Variants in UNC79 observed in about 807,000 individuals in gnomAD.
UNC79 encodes unc-79 subunit of NALCN channel complex.
Under a neutral mutation model 283.1 loss-of-function variants are expected in UNC79, and 37 were observed. The ratio of observed to expected loss-of-function variants is 0.13; its 90% CI spans 0.10 to 0.17. The LOEUF (loss-of-function observed/expected upper bound fraction) is 0.17. UNC79 is among the 10% of genes least tolerant of loss of function. The pLI is 1.00. For synonymous variants in UNC79, 1,107 were observed against 1,200.2 expected (o/e 0.92, Z 1.61); for missense variants, 2,272 against 3,211.1 (o/e 0.71, Z 7.07).
chr14:93,698,105 T>C (rs1323515681), intron 47 of UNC79, among the ~76,000 whole-genome samples: 2 of 152,258 alleles, frequency 1.3e-5, no homozygotes, highest in Non-Finnish European at 2.9e-5. Context: ...TTATATAATT[T>C]GATTCATTTT....
intron 26 of UNC79, among the ~76,000 whole-genome samples, chr14:93,609,296 C>T (rs2066122934): frequency 6.6e-6 from 1 of 152,184 alleles, no homozygotes; most frequent in South Asian, 2.1e-4. Context: ...ATTCTGAGAT[C>T]CACGAGTAGC....
chr14:93,704,552 C>T, intron 47 of UNC79, 73 bp from the exon 51 acceptor site: 1 of 1,544,274 alleles, frequency 6.5e-7, no homozygotes, highest in Non-Finnish European at 9.0e-7. Flanking sequence ...GGCCTGTTTT[C>T]CCTTGCAATG....
intron 40 of UNC79, among the ~76,000 whole-genome samples, chr14:93,666,443 C>T (rs954553591): frequency 6.6e-6 from 1 of 151,942 alleles, no homozygotes; most frequent in Non-Finnish European, 1.5e-5. Context: ...AAAAGATATA[C>T]CAGACTAATA....
rs752678429 is a variant in UNC79 at position 93,477,778 on chromosome 14, T to C, written c.619+50T>C. On this transcript the variant is annotated intron_variant, in intron 4 of 48. Transcript: ENST00000555664. The stretch of plus-strand genomic sequence containing the variant: ...AGATTATTTTTATGTATGATATGAA[T>C]GGAAATTGCTTTTGCTGTTATAGGC... 12 of 1,555,936 alleles carry C rather than the reference T, an allele frequency of 7.7e-6. No homozygotes were observed. In the East Asian group the frequency reaches 2.0e-4, roughly 27 times the overall value.
intron 25 of UNC79, among the ~76,000 whole-genome samples, 183 bp from the exon 26 acceptor site, chr14:93,603,056 G>GA (rs1382869103): frequency 4.0e-5 from 6 of 151,822 alleles, no homozygotes; most frequent in Non-Finnish European, 5.9e-5. Flanking sequence ...GGTCTAAGCA[G>GA]AAAAAAAATC....
intron 30 of UNC79, among the ~76,000 whole-genome samples, chr14:93,623,664 G>A (rs959845487): frequency 1.3e-5 from 2 of 152,248 alleles, no homozygotes; most frequent in East Asian, 3.8e-4. Flanking sequence ...GGAGGCTGAG[G>A]CGGGCAGATC....
At chr14:93,627,722 T>C (rs1240905621) in intron 30 of UNC79, among the ~76,000 whole-genome samples, 1 of 152,222 alleles carries the variant, frequency 6.6e-6, no homozygotes, top group African/African-American at 2.4e-5. Flanking sequence ...AGTCACATGG[T>C]GAAAGGCATG....
intron 17 of UNC79, 134 bp downstream of exon 17, chr14:93,575,332 TA>T (rs2063412975): frequency 1.0e-6 from 1 of 990,638 alleles, no homozygotes; most frequent in Non-Finnish European, 1.5e-6. Context: ...GTTCATCTTT[TA>T]AGTGCATTAA....
At chr14:93,436,132 G>A (rs1218278436) in intron 1 of UNC79, among the ~76,000 whole-genome samples, 1 of 152,064 alleles carries the variant, frequency 6.6e-6, no homozygotes, top group Admixed American at 6.5e-5. Flanking sequence ...GACTGAGGGT[G>A]GATGAAATGC....
chr14:93,455,235 G>T (rs942326127), intron 1 of UNC79, among the ~76,000 whole-genome samples: 11 of 152,176 alleles, frequency 7.2e-5, no homozygotes, highest in Admixed American at 7.2e-4. Flanking sequence ...TTTGCTTTCA[G>T]TTAAAGAAGA....
intron 12 of UNC79, among the ~76,000 whole-genome samples, chr14:93,539,354 C>T (rs766992294): frequency 1.3e-4 from 20 of 151,088 alleles, no homozygotes; most frequent in Admixed American, 3.9e-4. Context: ...AACCCCGTCT[C>T]TATTAAAAAT....
chr14:93,577,435 A>G (rs533341530), intron 17 of UNC79, among the ~76,000 whole-genome samples: 17 of 152,336 alleles, frequency 1.1e-4, no homozygotes, highest in African/African-American at 4.1e-4. Flanking sequence ...CCCAGAGACC[A>G]TCTTTTAACC....
At chr14:93,597,291 A>G (rs1434058348) in intron 23 of UNC79, 68 bp from the exon 24 acceptor site, 2 of 1,514,046 alleles carry the variant, frequency 1.3e-6, no homozygotes, top group African/African-American at 2.8e-5. Flanking sequence ...CTGGCTAAAT[A>G]AATGTGTATG....
intron 1 of UNC79, among the ~76,000 whole-genome samples, chr14:93,452,757 A>G (rs1185401282): frequency 1.3e-5 from 2 of 152,306 alleles, no homozygotes; most frequent in South Asian, 4.1e-4. Flanking sequence ...GGGAAATGCA[A>G]TAGCACCTAC....
intron 34 of UNC79, among the ~76,000 whole-genome samples, chr14:93,646,009 A>G (rs1380288365): frequency 2.0e-5 from 3 of 152,208 alleles, no homozygotes; most frequent in African/African-American, 7.2e-5. Flanking sequence ...ACCCATCAGT[A>G]TAGTCCATTC....
intron 41 of UNC79, among the ~76,000 whole-genome samples, chr14:93,681,519 G>A (rs973623079): frequency 6.6e-6 from 1 of 152,178 alleles, no homozygotes; most frequent in East Asian, 1.9e-4. Context: ...TTTACTCTGC[G>A]ACCCTAGTTG....
intron 1 of UNC79, among the ~76,000 whole-genome samples, chr14:93,366,274 G>C (rs1329699385): frequency 6.6e-6 from 1 of 152,118 alleles, no homozygotes; most frequent in Non-Finnish European, 1.5e-5. Context: ...TAAAATTTAT[G>C]ATTTAACTAA....
chr14:93,450,143 C>T lies in UNC79; in HGVS notation c.23-17528C>T, dbSNP rs954414810. The stretch of plus-strand genomic sequence containing the variant: ...CAGTGCTGTTGTGTAGGCCGGGGGA[C>T]CTCTGACCAAAAATGTGGTCAGGGA... On this transcript the variant is annotated intron_variant, in intron 1 of 48. Transcript: ENST00000555664. 2.5e-4 allele frequency among the ~76,000 whole-genome samples: 38 copies of T among 152,062 alleles called. No individual in the cohort carries two copies. In the South Asian group the frequency reaches 7.5e-3, roughly 30 times the overall value.
At chr14:93,467,648 T>TGG in intron 1 of UNC79, 23 bp from the exon 2 acceptor site, 4 of 1,109,354 alleles carry the variant, frequency 3.6e-6, no homozygotes, top group Non-Finnish European at 2.2e-6. Context: ...TTTTTTTTTT[T>TGG]TTTTTTTTTT....
Sources: allele counts gnomAD v4.1 joint callset (sites outside exome capture counted in the v4.1 genomes callset), GRCh38; gene constraint gnomAD v4.1.1; transcripts MANE v1.5; gene names NCBI Gene and HGNC (gene_info 2026-07-23, HGNC 2026-07-21).